Variants in ALMS1 observed in about 807,000 individuals in gnomAD.
The protein encoded by ALMS1 is centrosome-associated protein ALMS1.
A neutral mutation model predicts 352.2 loss-of-function variants in ALMS1; 271 were observed. That is an observed-to-expected ratio of 0.77 (90% CI 0.70 to 0.85). The LOEUF is 0.85. ALMS1 is among the 40% of genes least tolerant of loss of function. ALMS1 has a pLI of 0.00. For synonymous variants in ALMS1, 1,865 were observed against 1,761.2 expected (o/e 1.06, Z -1.48); for missense variants, 5,445 against 4,870.7 (o/e 1.12, Z -3.51).
At chr2:73,513,939 G>A (rs151271995) in intron 10 of ALMS1, among the ~76,000 whole-genome samples, 12 of 152,050 alleles carry the variant, frequency 7.9e-5, no homozygotes, top group East Asian at 3.9e-4. Context: ...ACAGATTCCC[G>A]CCTTGTTCTG....
At position 73,453,842 on chromosome 2, in the gene ALMS1, G is replaced by C; in HGVS notation, c.7315G>C (p.Val2439Leu). The C allele has an allele frequency of 6.2e-7, 1 of 1,614,130 alleles. No individual in the cohort carries two copies. The highest frequency in any genetic ancestry group is 1.7e-5 in the Admixed American group (1 of 60,002). The change falls in exon 8 of 23, where the codon GTT becomes CTT. Residue 2439 changes from valine to leucine, a missense_variant. Val to Leu is a conservative substitution (Grantham distance 32, BLOSUM62 1). Coordinates refer to ENST00000613296, the MANE Select transcript of ALMS1 (RefSeq NM_001378454.1). ...DSNLPESLESVSDVLLNFFPY... is the reference protein window; with the variant it reads ...DSNLPESLESLSDVLLNFFPY... Reference sequence around the variant, plus strand: ...TAATTTACCAGAGTCTTTGGAATCAGTTTCTGATGTTCTTCTAAACTTCTT... The same window carrying C: ...TAATTTACCAGAGTCTTTGGAATCACTTTCTGATGTTCTTCTAAACTTCTT...
Position 73,609,594 on chromosome 2 carries a change from A to G in ALMS1, c.12489A>G (p.Arg4163=), listed in dbSNP as rs1287517020. The change falls in exon 23 of 23, where the codon AGA becomes AGG. Residue 4163 remains arginine, a synonymous_variant. Coordinates refer to ENST00000613296, the MANE Select transcript of ALMS1 (RefSeq NM_001378454.1). Reference sequence around the variant, plus strand: ...GAGTGACCAATCAACTTCTGGGGAGAAAAGTTCCCTGGGACTGACACAAGT... The same window carrying G: ...GAGTGACCAATCAACTTCTGGGGAGGAAAGTTCCCTGGGACTGACACAAGT... The part of the protein sequence containing the change: ...KKRVTNQLLG[R]KVPWD 6.2e-7 allele frequency: 1 copy of G among 1,613,974 alleles called. No individual in the cohort carries two copies. Among genetic ancestry groups the G allele is most frequent in the African/African-American group, 1.3e-5 (1 of 74,930 alleles).
At chr2:73,499,243 GT>G (rs1381253754) in intron 10 of ALMS1, among the ~76,000 whole-genome samples, 1 of 152,058 alleles carries the variant, frequency 6.6e-6, no homozygotes, top group African/African-American at 2.4e-5. Flanking sequence ...ATGTATTCTG[GT>G]TATTAATCCC....
At chr2:73,550,619 A>G (rs1428112292) in intron 13 of ALMS1, among the ~76,000 whole-genome samples, 182 bp downstream of exon 13, 2 of 152,216 alleles carry the variant, frequency 1.3e-5, no homozygotes, top group African/African-American at 4.8e-5. Flanking sequence ...AAGGAAGCAT[A>G]AGCTTCAGAG....
intron 15 of ALMS1, among the ~76,000 whole-genome samples, chr2:73,568,104 A>G (rs1674839848): frequency 6.6e-6 from 1 of 152,216 alleles, no homozygotes; most frequent in Non-Finnish European, 1.5e-5. Flanking sequence ...TGGCCATTAA[A>G]GATATGAAGA....
At chr2:73,547,678 C>G (rs543503116) in intron 12 of ALMS1, among the ~76,000 whole-genome samples, 1 of 152,056 alleles carries the variant, frequency 6.6e-6, no homozygotes, top group Non-Finnish European at 1.5e-5. Flanking sequence ...TTAAAGTGTT[C>G]GGATTTTATT....
rs144454784 is a variant in ALMS1 at position 73,411,696 on chromosome 2, A to T, written c.450+2949A>T. Among the ~76,000 whole-genome samples, 18 of 152,190 alleles carry T rather than the reference A, an allele frequency of 1.2e-4. No individual in the cohort carries two copies. In the East Asian group the frequency reaches 3.5e-3, roughly 29 times the overall value. On this transcript the variant is annotated intron_variant, in intron 2 of 22. Transcript: ENST00000613296. ...CGTTCATCTTTGTTACTGTCATCTG[A>T]GTTACCTTTATTTATTCATGGAAAA...
chr2:73,495,716 C>CGT (rs967625353), intron 10 of ALMS1, among the ~76,000 whole-genome samples: 7 of 151,922 alleles, frequency 4.6e-5, no homozygotes, highest in Non-Finnish European at 7.4e-5. Context: ...TATCTTTTAA[C>CGT]GTGTGTGTGT....
chr2:73,559,221 CTGA>C, intron 15 of ALMS1, 79 bp downstream of exon 15: 3 of 1,527,472 alleles, frequency 2.0e-6, no homozygotes, highest in Non-Finnish European at 2.7e-6. Flanking sequence ...CCATTTCATT[CTGA>C]TGAGAATATA....
chr2:73,388,611 C>T (rs994152878), intron 1 of ALMS1, among the ~76,000 whole-genome samples: 12 of 152,158 alleles, frequency 7.9e-5, no homozygotes, highest in African/African-American at 2.4e-4. Flanking sequence ...GATAAATAGC[C>T]TCCAGGCTCC....
intron 16 of ALMS1, among the ~76,000 whole-genome samples, chr2:73,585,885 C>T (rs926983156): frequency 4.6e-5 from 7 of 152,072 alleles, no homozygotes; most frequent in East Asian, 1.9e-4. Flanking sequence ...CCTACCACCA[C>T]GCCTGGCCAA....
At chr2:73,460,937 C>T (rs1279621452) in intron 9 of ALMS1, among the ~76,000 whole-genome samples, 1 of 152,216 alleles carries the variant, frequency 6.6e-6, no homozygotes, top group Non-Finnish European at 1.5e-5. Flanking sequence ...ACAAAGCAGC[C>T]TGGAAGCTCG....
At chr2:73,522,542 T>C (rs1673703639) in intron 11 of ALMS1, among the ~76,000 whole-genome samples, 1 of 146,634 alleles carries the variant, frequency 6.8e-6, no homozygotes, top group Non-Finnish European at 1.5e-5. Flanking sequence ...CAATCTTGGC[T>C]CACTGCAACC....
At chr2:73,564,886 C>A (rs1312415301) in intron 15 of ALMS1, among the ~76,000 whole-genome samples, 1 of 152,194 alleles carries the variant, frequency 6.6e-6, no homozygotes, top group Non-Finnish European at 1.5e-5. Flanking sequence ...GAATTTATAA[C>A]CACAAACTAG....
chr2:73,424,773 G>A lies in ALMS1; in HGVS notation c.1108G>A (p.Ala370Thr), dbSNP rs374421544. 3.1e-6 allele frequency: 5 copies of A among 1,613,684 alleles called. No homozygotes were observed. The African/African-American group carries it at 5.3e-5, about 17-fold the overall frequency. The change falls in exon 5 of 23, where the codon GCA (alanine) becomes ACA (threonine). Residue 370 changes from alanine to threonine, a missense_variant. Coordinates refer to ENST00000613296, the MANE Select transcript of ALMS1 (RefSeq NM_001378454.1). ...AGCTGATAAAGATCAAGTTTCAGTT[G>A]CAACTTCATTTGACATAACTGATGA... ...NLADKDQVSV[A>T]TSFDITDENI... is the part of the protein sequence containing the mutation.
chr2:73,430,706 C>A (rs901720320), intron 6 of ALMS1, among the ~76,000 whole-genome samples: 1 of 152,082 alleles, frequency 6.6e-6, no homozygotes, highest in African/African-American at 2.4e-5. Context: ...CAGTAACATG[C>A]TGATAGGTTT....
chr2:73,573,293 A>C lies in ALMS1; in HGVS notation c.11416A>C (p.Ile3806Leu). Residue 3806 changes from isoleucine (I) to leucine (L), a missense_variant, in exon 16 of 23, where the codon ATT becomes CTT. Physicochemically the swap from Ile to Leu is conservative, Grantham distance 5 (BLOSUM62 2). Coordinates refer to ENST00000613296, the MANE Select transcript of ALMS1 (RefSeq NM_001378454.1). ...AAGAGTATGCTTGTCACCCAGACGA[A>C]TTAAATTATATAGCAGCATCACCAA... Reference protein sequence around the residue: ...HERVCLSPRRIKLYSSITNQQ... With the variant: ...HERVCLSPRRLKLYSSITNQQ... 1 of 1,614,116 alleles carries C rather than the reference A, an allele frequency of 6.2e-7. No individual in the cohort carries two copies. The highest frequency in any genetic ancestry group is 8.5e-7 in the Non-Finnish European group (1 of 1,179,996).
chr2:73,493,366 C>A (rs1365446339), intron 10 of ALMS1, among the ~76,000 whole-genome samples: 2 of 151,544 alleles, frequency 1.3e-5, no homozygotes, highest in African/African-American at 4.8e-5. Flanking sequence ...CACACACACA[C>A]ACACACACAC....
intron 2 of ALMS1, among the ~76,000 whole-genome samples, chr2:73,415,753 G>T (rs75847399): frequency 2.6e-5 from 4 of 152,252 alleles, no homozygotes; most frequent in Non-Finnish European, 4.4e-5. Flanking sequence ...CTGCTGATTG[G>T]ATTCATGCAA....
Sources: allele counts gnomAD v4.1 joint callset (sites outside exome capture counted in the v4.1 genomes callset), GRCh38; gene constraint gnomAD v4.1.1; transcripts MANE v1.5; gene names NCBI Gene and HGNC (gene_info 2026-07-23, HGNC 2026-07-21).